Variants in PDGFC observed in about 807,000 individuals in gnomAD.
The protein encoded by PDGFC is platelet-derived growth factor C.
In PDGFC, 12 loss-of-function variants were observed where a neutral mutation model predicts 35.5. The observed-to-expected ratio is 0.34, with a 90% CI of 0.22 to 0.55. PDGFC has a LOEUF of 0.55. PDGFC is among the 20% of genes least tolerant of loss of function. The pLI, the probability that PDGFC is intolerant of heterozygous loss-of-function variation, is 0.91. For synonymous variants in PDGFC, 159 were observed against 148.8 expected (o/e 1.07, Z -0.50); for missense variants, 322 against 412.4 (o/e 0.78, Z 1.90).
At chr4:156,806,514 A>C (rs899885799) in intron 3 of PDGFC, among the ~76,000 whole-genome samples, 1 of 152,202 alleles carries the variant, frequency 6.6e-6, no homozygotes, top group Middle Eastern at 3.4e-3. Flanking sequence ...TGGAGGGAGA[A>C]TAAGAAAATC....
At chr4:156,867,607 A>G (rs1291172868) in intron 1 of PDGFC, among the ~76,000 whole-genome samples, 1 of 152,190 alleles carries the variant, frequency 6.6e-6, no homozygotes, top group Admixed American at 6.6e-5. Flanking sequence ...TGTTACCTTA[A>G]GAAGAGCGGC....
At chr4:156,925,148 A>G (rs970617070) in intron 1 of PDGFC, among the ~76,000 whole-genome samples, 3 of 152,218 alleles carry the variant, frequency 2.0e-5, no homozygotes, top group Non-Finnish European at 4.4e-5. Context: ...TGTTTTCAGG[A>G]AGGAAATGTC....
chr4:156,889,036 G>A (rs1041384023), intron 1 of PDGFC, among the ~76,000 whole-genome samples: 14 of 152,094 alleles, frequency 9.2e-5, no homozygotes, highest in Admixed American at 4.6e-4. Flanking sequence ...CAAACACGTC[G>A]TGTGTCTACT....
At chr4:156,960,764 A>G (rs1175936684) in intron 1 of PDGFC, among the ~76,000 whole-genome samples, 1 of 152,016 alleles carries the variant, frequency 6.6e-6, no homozygotes, top group Non-Finnish European at 1.5e-5. Context: ...CAAAACCACC[A>G]ACTACTATAA....
intron 1 of PDGFC, among the ~76,000 whole-genome samples, chr4:156,956,731 T>C (rs765826455): frequency 2.6e-4 from 39 of 152,066 alleles, no homozygotes; most frequent in Non-Finnish European, 5.1e-4. Context: ...AGCTTGACAA[T>C]AATTCCATGC....
intron 2 of PDGFC, among the ~76,000 whole-genome samples, chr4:156,843,729 A>G (rs910436212): frequency 1.3e-5 from 2 of 152,150 alleles, no homozygotes; most frequent in African/African-American, 4.8e-5. Context: ...GAGTGGTAGT[A>G]ACTGTGGTGA....
At chr4:156,817,989 G>A (rs1732139670) in intron 2 of PDGFC, among the ~76,000 whole-genome samples, 1 of 150,876 alleles carries the variant, frequency 6.6e-6, no homozygotes, top group Admixed American at 6.6e-5. Flanking sequence ...AACCCAGGAG[G>A]TGGAGGTTGC....
chr4:156,839,811 G>A (rs28839779), intron 2 of PDGFC, among the ~76,000 whole-genome samples: 9,056 of 152,242 alleles, frequency 0.059, 895 homozygotes, highest in African/African-American at 0.21. Context: ...CAATGAGGTC[G>A]AGGCAGAGGT....
chr4:156,794,312 A>G (rs1405442565), intron 3 of PDGFC, among the ~76,000 whole-genome samples: 1 of 152,124 alleles, frequency 6.6e-6, no homozygotes, highest in African/African-American at 2.4e-5. Context: ...AGAATGTGTG[A>G]TTTTAACTAA....
intron 1 of PDGFC, among the ~76,000 whole-genome samples, chr4:156,894,326 C>T: frequency 6.6e-6 from 1 of 152,282 alleles, no homozygotes; most frequent in African/African-American, 2.4e-5. Context: ...ATCATTCTAA[C>T]TTCCTAACTG....
At chr4:156,910,233 T>C (rs1320504937) in intron 1 of PDGFC, among the ~76,000 whole-genome samples, 2 of 152,194 alleles carry the variant, frequency 1.3e-5, no homozygotes, top group South Asian at 2.1e-4. Flanking sequence ...GTAATGATTG[T>C]AGACTCACAA....
intron 2 of PDGFC, among the ~76,000 whole-genome samples, chr4:156,848,301 T>C (rs1202819407): frequency 1.3e-5 from 2 of 151,946 alleles, no homozygotes; most frequent in Non-Finnish European, 2.9e-5. Context: ...ACAAAAATTT[T>C]TGTATATTGT....
At chr4:156,781,955 T>A (rs1282210612) in intron 3 of PDGFC, among the ~76,000 whole-genome samples, 1 of 152,152 alleles carries the variant, frequency 6.6e-6, no homozygotes, top group Admixed American at 6.5e-5. Flanking sequence ...ATAATTATTT[T>A]AAAAAATATA....
At chr4:156,872,303 T>C (rs1184672257) in intron 1 of PDGFC, among the ~76,000 whole-genome samples, 1 of 152,168 alleles carries the variant, frequency 6.6e-6, no homozygotes, top group Non-Finnish European at 1.5e-5. Flanking sequence ...AATGAAGCTA[T>C]GGCACAGAAG....
chr4:156,832,238 CTTCT>C (rs1312097576), intron 2 of PDGFC, among the ~76,000 whole-genome samples: 223 of 146,134 alleles, frequency 1.5e-3, no homozygotes, highest in African/African-American at 2.8e-3. Context: ...ATCATGCCAC[CTTCT>C]TTCTTTCTTT....
chr4:156,925,693 T>C (rs762252853), intron 1 of PDGFC, among the ~76,000 whole-genome samples: 1 of 150,424 alleles, frequency 6.6e-6, no homozygotes, highest in Non-Finnish European at 1.5e-5. Flanking sequence ...ATACATACAG[T>C]ATTTGAAGGC....
intron 2 of PDGFC, among the ~76,000 whole-genome samples, chr4:156,827,802 A>G (rs1052287414): frequency 6.7e-6 from 1 of 150,358 alleles, no homozygotes; most frequent in African/African-American, 2.5e-5. Context: ...CAGCACTGTT[A>G]TCACCAAAGA....
intron 3 of PDGFC, among the ~76,000 whole-genome samples, chr4:156,792,286 C>A (rs532681252): frequency 2.6e-5 from 4 of 152,102 alleles, no homozygotes; most frequent in South Asian, 2.1e-4. Context: ...GAGGTACAAT[C>A]CAAATATATG....
At chr4:156,822,052 G>GAT (rs1182081040) in intron 2 of PDGFC, among the ~76,000 whole-genome samples, 2 of 152,026 alleles carry the variant, frequency 1.3e-5, no homozygotes, top group African/African-American at 2.4e-5. Flanking sequence ...AACAAAACCT[G>GAT]AATATCAGGG....
Sources: allele counts gnomAD v4.1 joint callset (sites outside exome capture counted in the v4.1 genomes callset), GRCh38; gene constraint gnomAD v4.1.1; transcripts MANE v1.5; gene names NCBI Gene and HGNC (gene_info 2026-07-23, HGNC 2026-07-21).